ANAPC10: variants seen among roughly 807,000 people sequenced by gnomAD.
The protein encoded by ANAPC10 is anaphase promoting complex subunit 10, also known as anaphase-promoting complex subunit 10.
A neutral mutation model predicts 22.0 loss-of-function variants in ANAPC10; 12 were observed. The ratio of observed to expected loss-of-function variants is 0.55; its 90% CI spans 0.35 to 0.88. The LOEUF (loss-of-function observed/expected upper bound fraction) is 0.88. Ranked by LOEUF, ANAPC10 falls within the 40% of genes least tolerant of loss-of-function variation. ANAPC10 has a pLI of 0.01. For synonymous variants in ANAPC10, 65 were observed against 69.5 expected, an observed-to-expected ratio of 0.94 and a Z score of 0.32; for missense variants, 188 against 220.9, an observed-to-expected ratio of 0.85 and a Z score of 0.94.
At chr4:145,031,308 G>A (rs996883060) in intron 4 of ANAPC10, among the ~76,000 whole-genome samples, 3 of 152,196 alleles carry the variant, frequency 2.0e-5, no homozygotes, top group African/African-American at 7.2e-5. Flanking sequence ...ACTTATTGGT[G>A]AGACATTTGC....
chr4:145,016,226 G>A (rs149038375), intron 4 of ANAPC10, among the ~76,000 whole-genome samples: 22,111 of 152,084 alleles, frequency 0.15, 2,039 homozygotes, highest in Middle Eastern at 0.22. Flanking sequence ...AAACCCCACC[G>A]TCTCAGCCCA....
intron 2 of ANAPC10, among the ~76,000 whole-genome samples, chr4:145,086,189 C>G (rs934224966): frequency 2.6e-5 from 4 of 152,152 alleles, no homozygotes; most frequent in African/African-American, 9.7e-5. Context: ...TCTCAAACTC[C>G]TGACCTCAAG....
intron 2 of ANAPC10, among the ~76,000 whole-genome samples, chr4:145,089,507 G>A (rs780246029): frequency 2.6e-5 from 4 of 152,050 alleles, no homozygotes; most frequent in African/African-American, 7.2e-5. Flanking sequence ...CCTATTATAC[G>A]GTAGCAGTCA....
chr4:145,093,910 G>A, intron 2 of ANAPC10, among the ~76,000 whole-genome samples: 1 of 152,084 alleles, frequency 6.6e-6, no homozygotes, highest in Non-Finnish European at 1.5e-5. Context: ...GAAGCAATAG[G>A]GCAAAAGAAA....
chr4:145,091,827 G>A (rs190234452), intron 2 of ANAPC10, among the ~76,000 whole-genome samples: 18 of 152,048 alleles, frequency 1.2e-4, no homozygotes, highest in Non-Finnish European at 2.5e-4. Flanking sequence ...CTGTAAACAC[G>A]TGGAGTACTA....
At chr4:145,003,783 A>T (rs537562902) in intron 4 of ANAPC10, among the ~76,000 whole-genome samples, 2 of 152,202 alleles carry the variant, frequency 1.3e-5, no homozygotes, top group African/African-American at 4.8e-5. Flanking sequence ...TGATGCTTCT[A>T]GCTTTGTTCT....
At chr4:145,029,779 G>A (rs994495629) in intron 4 of ANAPC10, among the ~76,000 whole-genome samples, 1 of 152,100 alleles carries the variant, frequency 6.6e-6, no homozygotes, top group Non-Finnish European at 1.5e-5. Flanking sequence ...GATTGGGATG[G>A]GGTAGTGGAT....
chr4:145,037,884 C>G (rs1738833948), intron 4 of ANAPC10, among the ~76,000 whole-genome samples: 2 of 150,702 alleles, frequency 1.3e-5, no homozygotes, highest in Admixed American at 6.6e-5. Context: ...AAGGTCTAGG[C>G]CCCAGTGAAC....
chr4:145,084,856 G>A (rs1215318065), intron 2 of ANAPC10, among the ~76,000 whole-genome samples: 1 of 152,196 alleles, frequency 6.6e-6, no homozygotes, highest in East Asian at 1.9e-4. Flanking sequence ...TAGTAGTCCA[G>A]TTATACTAGA....
At chr4:145,032,041 A>G (rs1470536231) in intron 4 of ANAPC10, among the ~76,000 whole-genome samples, 2 of 152,154 alleles carry the variant, frequency 1.3e-5, no homozygotes, top group Non-Finnish European at 2.9e-5. Flanking sequence ...TCGAATGCCC[A>G]TGTTCTCCAC....
At chr4:145,081,836 C>A in intron 2 of ANAPC10, 86 bp from the exon 3 acceptor site, 1 of 950,996 alleles carries the variant, frequency 1.1e-6, no homozygotes. Context: ...TGTATTTGTC[C>A]AGAAATTTTG....
At chr4:145,081,886 A>AT (rs1305435988) in intron 2 of ANAPC10, 136 bp from the exon 3 acceptor site, 3 of 691,426 alleles carry the variant, frequency 4.3e-6, no homozygotes, top group Non-Finnish European at 4.9e-6. Context: ...TTTTTTATTT[A>AT]TTTTTTGTAG....
At chr4:145,057,182 G>T (rs543496304) in intron 4 of ANAPC10, among the ~76,000 whole-genome samples, 1 of 152,260 alleles carries the variant, frequency 6.6e-6, no homozygotes, top group South Asian at 2.1e-4. Flanking sequence ...AGAAAAGATA[G>T]AATTCCTGCT....
intron 4 of ANAPC10, among the ~76,000 whole-genome samples, chr4:145,057,233 A>T (rs1052965675): frequency 1.3e-5 from 2 of 152,214 alleles, no homozygotes; most frequent in Non-Finnish European, 2.9e-5. Context: ...AAATTTAGAA[A>T]CAATTACTCC....
chr4:145,072,538 A>C (rs1384245682), intron 3 of ANAPC10, among the ~76,000 whole-genome samples: 1 of 152,236 alleles, frequency 6.6e-6, no homozygotes, highest in African/African-American at 2.4e-5. Context: ...CCATTAGTAC[A>C]TAATGTTTTC....
chr4:145,087,118 G>C (rs1005586829), intron 2 of ANAPC10, among the ~76,000 whole-genome samples: 1 of 151,934 alleles, frequency 6.6e-6, no homozygotes, highest in Non-Finnish European at 1.5e-5. Context: ...GAGCAGACTT[G>C]AACCTGACTC....
At chr4:145,072,064 T>C (rs905730941) in intron 3 of ANAPC10, among the ~76,000 whole-genome samples, 10 of 152,010 alleles carry the variant, frequency 6.6e-5, no homozygotes, top group African/African-American at 2.2e-4. Context: ...ACACCCAACT[T>C]GCAACAAGCC....
rs145505072 is a variant in ANAPC10, at chr4:145,022,050, A to G, written c.328-26447T>C. Among the ~76,000 whole-genome samples, 350 of 152,282 alleles carry G rather than the reference A, an allele frequency of 2.3e-3. 3 individuals are homozygous for G. Among genetic ancestry groups the G allele is most frequent in the African/African-American group, 7.6e-3 (318 of 41,572 alleles). ...GATGCAGTGATCAGGGAACACTTCTACACTGCTGGAATGTAAACTAGTACA... is the reference window on the plus strand; with the variant it reads ...GATGCAGTGATCAGGGAACACTTCTGCACTGCTGGAATGTAAACTAGTACA... On this transcript the variant is annotated intron_variant, in intron 4 of 4. Coordinates refer to ENST00000507656, the MANE Select transcript of ANAPC10 (RefSeq NM_001256706.2).
chr4:145,017,154 C>G (rs1308199334), intron 4 of ANAPC10, among the ~76,000 whole-genome samples: 1 of 152,036 alleles, frequency 6.6e-6, no homozygotes, highest in Non-Finnish European at 1.5e-5. Flanking sequence ...TTCTGCACAG[C>G]AAAAGAAACT....
Sources: allele counts gnomAD v4.1 joint callset (sites outside exome capture counted in the v4.1 genomes callset), GRCh38; gene constraint gnomAD v4.1.1; transcripts MANE v1.5; gene names NCBI Gene and HGNC (gene_info 2026-07-23, HGNC 2026-07-21).